The following AGMO variants were observed in gnomAD, a reference collection of about 807,000 sequenced individuals.
AGMO encodes the protein glyceryl-ether monooxygenase.
AGMO carries 75 observed loss-of-function variants against 60.2 expected under a neutral mutation model. That is an observed-to-expected ratio of 1.25 (90% CI 1.03 to 1.51). The LOEUF (loss-of-function observed/expected upper bound fraction) is 1.51. Ranked by LOEUF, AGMO falls within the 40% of genes most tolerant of loss-of-function variation. AGMO has a pLI of 0.00. For missense variants in AGMO, 763 were observed against 525.5 expected, an observed-to-expected ratio of 1.45 and a Z score of -4.42; for synonymous variants, 261 against 177.1, an observed-to-expected ratio of 1.47 and a Z score of -3.76.
chr7:15,452,753 TAC>T, intron 3 of AGMO, among the ~76,000 whole-genome samples: 2 of 152,290 alleles, frequency 1.3e-5, no homozygotes, highest in Middle Eastern at 3.4e-3. Flanking sequence ...AAATTTAAAG[TAC>T]ACATTCACAC....
At chr7:15,147,147 C>A in the AGMO span, among the ~76,000 whole-genome samples, 2 of 152,050 alleles carry the variant, frequency 1.3e-5, no homozygotes, top group African/African-American at 4.8e-5. Flanking sequence ...GCTCATGGTT[C>A]AGGACCACAT....
chr7:15,431,732 C>A (rs1038868691), intron 3 of AGMO, among the ~76,000 whole-genome samples: 1 of 151,788 alleles, frequency 6.6e-6, no homozygotes, highest in Admixed American at 6.6e-5. Context: ...AAATACTAAA[C>A]CATTTCTAAA....
the AGMO span, among the ~76,000 whole-genome samples, chr7:15,165,507 A>G: frequency 1.3e-5 from 2 of 152,212 alleles, no homozygotes; most frequent in African/African-American, 2.4e-5. Flanking sequence ...TCCTAAAACA[A>G]TAAGCCTTAT....
At chr7:15,497,921 A>G (rs1017420557) in intron 3 of AGMO, among the ~76,000 whole-genome samples, 2 of 152,032 alleles carry the variant, frequency 1.3e-5, no homozygotes, top group African/African-American at 4.8e-5. Flanking sequence ...AACAAAAAGA[A>G]ATATGTTTGG....
intron 12 of AGMO, among the ~76,000 whole-genome samples, chr7:15,350,580 C>A (rs952566041): frequency 6.6e-6 from 1 of 152,124 alleles, no homozygotes; most frequent in African/African-American, 2.4e-5. Flanking sequence ...GAGTAGATTT[C>A]TGTTTTCTCC....
At chr7:15,533,884 G>T (rs552095869) in intron 3 of AGMO, among the ~76,000 whole-genome samples, 1 of 151,972 alleles carries the variant, frequency 6.6e-6, no homozygotes, top group Admixed American at 6.6e-5. Flanking sequence ...ACACAGAGCT[G>T]GCATTAAAAA....
intron 12 of AGMO, among the ~76,000 whole-genome samples, chr7:15,226,086 TTCA>T (rs1303094587): frequency 6.6e-6 from 1 of 152,078 alleles, no homozygotes; most frequent in Non-Finnish European, 1.5e-5. Context: ...CCCAGTCCTG[TTCA>T]TCACCTTCCC....
intron 10 of AGMO, among the ~76,000 whole-genome samples, chr7:15,366,688 A>G (rs1245390681): frequency 6.6e-6 from 1 of 152,036 alleles, no homozygotes; most frequent in Non-Finnish European, 1.5e-5. Flanking sequence ...TATAAAGGAG[A>G]TTACACATAT....
the AGMO span, among the ~76,000 whole-genome samples, chr7:15,162,110 C>T: frequency 2.0e-5 from 3 of 151,996 alleles, no homozygotes; most frequent in Non-Finnish European, 2.9e-5. Flanking sequence ...GAAGTTTCCC[C>T]TGTGCTTTGG....
intron 12 of AGMO, among the ~76,000 whole-genome samples, chr7:15,273,063 C>G (rs932082429): frequency 3.9e-5 from 6 of 152,108 alleles, no homozygotes; most frequent in African/African-American, 1.4e-4. Context: ...AAAATTTTCT[C>G]CCATTCTGTA....
At chr7:15,548,848 C>G (rs1295432955) in intron 2 of AGMO, among the ~76,000 whole-genome samples, 8 of 152,008 alleles carry the variant, frequency 5.3e-5, no homozygotes, top group African/African-American at 1.5e-4. Context: ...AAGGGCAACT[C>G]CAAGACACAT....
At chr7:15,213,361 C>T (rs537032585) in intron 12 of AGMO, among the ~76,000 whole-genome samples, 104 of 150,848 alleles carry the variant, frequency 6.9e-4, no homozygotes, top group Non-Finnish European at 1.3e-3. Context: ...TTGTTCAATG[C>T]GAGGGTAGAA....
At chr7:15,303,360 T>C (rs932734114) in intron 12 of AGMO, among the ~76,000 whole-genome samples, 7 of 151,996 alleles carry the variant, frequency 4.6e-5, no homozygotes, top group African/African-American at 1.7e-4. Context: ...AGATCTTTTT[T>C]AACATAGAAA....
the AGMO span, among the ~76,000 whole-genome samples, chr7:15,122,002 G>A: frequency 6.6e-6 from 1 of 152,150 alleles, no homozygotes; most frequent in African/African-American, 2.4e-5. Flanking sequence ...CATGGACAAA[G>A]ACTTCACGAC....
At position 15,299,875 on chromosome 7, in the gene AGMO, ACACACACACAC is replaced by A. The variant is rs1478574150; in HGVS notation, c.1263+65628_1263+65638del. Among the ~76,000 whole-genome samples the A allele has an allele frequency of 3.9e-3, 542 of 140,038 alleles. 11 individuals are homozygous for A. The highest frequency in any genetic ancestry group is 0.011 in the Middle Eastern group (3 of 284). 91.9% of individuals were successfully genotyped at this position (140,038 alleles called of 152,430 possible). A position where few individuals can be genotyped will look rare whatever the true frequency, so the allele number is the denominator to read the frequency against. On this transcript the variant is annotated intron_variant, in intron 12 of 12. Transcript: ENST00000342526. ...CACACACACACACACACACACACACACACACACACACAGTATGTTTTGTGTTCAACATATCC... is the reference window on the plus strand; with the variant it reads ...CACACACACACACACACACACACACAAGTATGTTTTGTGTTCAACATATCC...
intron 10 of AGMO, 46 bp from the exon 11 acceptor site, chr7:15,366,268 T>TA: frequency 1.4e-6 from 2 of 1,452,262 alleles, no homozygotes; most frequent in Non-Finnish European, 1.9e-6. Context: ...GAAGAATTGT[T>TA]AAAAGGTACA....
At chr7:15,125,594 G>A in the AGMO span, among the ~76,000 whole-genome samples, 12 of 152,026 alleles carry the variant, frequency 7.9e-5, no homozygotes, top group African/African-American at 2.4e-4. Flanking sequence ...TAGTGTTTAT[G>A]CTTACCAGGT....
chr7:15,508,129 G>A (rs970272558), intron 3 of AGMO, among the ~76,000 whole-genome samples: 7 of 152,158 alleles, frequency 4.6e-5, no homozygotes, highest in Non-Finnish European at 7.4e-5. Flanking sequence ...AGATGAGCAC[G>A]AAATAATGCA....
intron 12 of AGMO, among the ~76,000 whole-genome samples, chr7:15,229,281 G>A (rs1360085799): frequency 3.3e-5 from 5 of 151,892 alleles, no homozygotes; most frequent in Admixed American, 1.3e-4. Context: ...GAGTATATAC[G>A]AACATGGCAC....
Sources: allele counts gnomAD v4.1 joint callset (sites outside exome capture counted in the v4.1 genomes callset), GRCh38; gene constraint gnomAD v4.1.1; transcripts MANE v1.5; gene names NCBI Gene and HGNC (gene_info 2026-07-23, HGNC 2026-07-21).